The following MRPL38 variants were observed in gnomAD, a reference collection of about 807,000 sequenced individuals.
MRPL38 encodes large ribosomal subunit protein mL38.
In MRPL38, 51 loss-of-function variants were observed where a neutral mutation model predicts 52.1. That is an observed-to-expected ratio of 0.98 (90% CI 0.78 to 1.24). The LOEUF is 1.24. Ranked by LOEUF, MRPL38 falls within the 50% of genes most tolerant of loss-of-function variation. The pLI, the probability that MRPL38 is intolerant of heterozygous loss-of-function variation, is 0.00. For synonymous variants in MRPL38, 245 were observed against 212.7 expected, an observed-to-expected ratio of 1.15 and a Z score of -1.32; for missense variants, 527 against 518.6, an observed-to-expected ratio of 1.02 and a Z score of -0.16.
In MRPL38 at chr17:75,898,806, C is replaced by T. The variant is rs1012446480; in HGVS notation, c.*44G>A. 1 of 1,607,578 alleles carries T rather than the reference C, an allele frequency of 6.2e-7. No individual in the cohort carries two copies. Among genetic ancestry groups the T allele is most frequent in the African/African-American group, 1.3e-5 (1 of 74,844 alleles). ...CTCTGGAGCTGTGTCTTTACTCTTG[C>T]TGCCGATCAATCCCATGCTCTGAAA... On this transcript the variant is annotated 3_prime_UTR_variant, in exon 9 of 9. Coordinates refer to ENST00000309352, the MANE Select transcript of MRPL38 (RefSeq NM_032478.4).
intron 2 of MRPL38, 71 bp downstream of exon 2, chr17:75,904,469 C>G: frequency 6.9e-7 from 1 of 1,444,652 alleles, no homozygotes; most frequent in South Asian, 1.4e-5. Context: ...CGCCCAGCGC[C>G]CGGGGAAAAC....
At position 75,903,560 on chromosome 17, in the gene MRPL38, C is replaced by T. The variant is rs1320158124; in HGVS notation, c.247+980G>A. Among the ~76,000 whole-genome samples the T allele has an allele frequency of 2.0e-5, 3 of 152,110 alleles. No individual in the cohort carries two copies. The East Asian group carries it at 5.8e-4, about 29-fold the overall frequency. ...TTTTATTTTACAGTTGAAACAAGCT[C>T]AAGGACATTATCCGAGAGGCTGAGC... On this transcript the variant is annotated intron_variant, in intron 2 of 8. Coordinates refer to ENST00000309352, the MANE Select transcript of MRPL38 (RefSeq NM_032478.4).
chr17:75,904,375 G>T, intron 2 of MRPL38, 165 bp downstream of exon 2: 1 of 782,546 alleles, frequency 1.3e-6, no homozygotes, highest in Non-Finnish European at 2.2e-6. Flanking sequence ...AAATCCTGGG[G>T]TGATTAAGCT....
intron 2 of MRPL38, among the ~76,000 whole-genome samples, chr17:75,903,920 G>A (rs2065416532): frequency 6.6e-6 from 1 of 152,084 alleles, no homozygotes; most frequent in Admixed American, 6.6e-5. Flanking sequence ...CAGACACGGG[G>A]TTTCTCCATG....
At chr17:75,902,287 A>G in intron 2 of MRPL38, 133 bp from the exon 3 acceptor site, 1 of 1,075,240 alleles carries the variant, frequency 9.3e-7, no homozygotes, top group Non-Finnish European at 1.3e-6. Context: ...TATTTTTTGT[A>G]GAGACAGGGT....
chr17:75,902,391 C>G (rs1250045376), intron 2 of MRPL38: 3 of 529,640 alleles, frequency 5.7e-6, no homozygotes, highest in Non-Finnish European at 1.0e-5. Flanking sequence ...TAGTGTGAGC[C>G]ACTGCGCCCA....
intron 6 of MRPL38, 29 bp downstream of exon 6, chr17:75,900,953 C>A: frequency 6.6e-7 from 1 of 1,515,422 alleles, no homozygotes; most frequent in Non-Finnish European, 8.8e-7. Context: ...CTGGGCAGCA[C>A]CCCCTACCCC....
intron 7 of MRPL38, 29 bp from the exon 8 acceptor site, chr17:75,899,323 T>C (rs766040084): frequency 2.3e-5 from 37 of 1,606,120 alleles, no homozygotes; most frequent in East Asian, 1.6e-4. Context: ...CGTATGAGAG[T>C]GTGGAGTGGG....
chr17:75,904,768 C>CGGGGGGGGG, intron 1 of MRPL38, 41 bp downstream of exon 1: 2 of 1,056,374 alleles, frequency 1.9e-6, no homozygotes, highest in Non-Finnish European at 2.5e-6. Flanking sequence ...GCTCGGGCGA[C>CGGGGGGGGG]AGCCCCCCCC....
Position 75,901,834 on chromosome 17 carries a change from G to C in MRPL38, c.469C>G (p.Leu157Val). ...HKQRLAEYYGLYRDLFHGATF... is the reference protein window; with the variant it reads ...HKQRLAEYYGVYRDLFHGATF... ...GCACCGTGGAACAGGTCTCGGTAGAGGCCGTAATACTCAGCCAGACGCTGC... is the reference window on the plus strand; with the variant it reads ...GCACCGTGGAACAGGTCTCGGTAGACGCCGTAATACTCAGCCAGACGCTGC... Residue 157 changes from leucine (L) to valine (V), a missense_variant, in exon 4 of 9, where the codon CTC becomes GTC. Coordinates refer to ENST00000309352, the MANE Select transcript of MRPL38 (RefSeq NM_032478.4). The surrounding 1 kb of genome is among the most constrained non-coding windows in gnomAD (Gnocchi z 5.7). 1 of 1,613,486 alleles carries C rather than the reference G, an allele frequency of 6.2e-7. No homozygotes were observed. The highest frequency in any genetic ancestry group is 1.1e-5 in the South Asian group (1 of 91,072).
rs1054622665 is a variant in MRPL38, at chr17:75,904,390, A to G, written c.247+150T>C. 3 of 855,540 alleles carry G rather than the reference A, an allele frequency of 3.5e-6. No individual in the cohort carries two copies. The African/African-American group carries it at 5.0e-5, about 14-fold the overall frequency. 53.0% of individuals were successfully genotyped at this position (855,540 alleles called of 1,614,324 possible). On this transcript the variant is annotated intron_variant, in intron 2 of 8. Coordinates refer to ENST00000309352, the MANE Select transcript of MRPL38 (RefSeq NM_032478.4). ...AAATCCTGGGGTGATTAAGCTGCCG[A>G]TAGCGCACACAGGTCTGCAGGCAGG... is the stretch of plus-strand genomic sequence containing the variant.
Position 75,898,934 on chromosome 17 carries a change from C to T in MRPL38, c.1059G>A (p.Lys353=), listed in dbSNP as rs144293363. The T allele has an allele frequency of 2.0e-5, 32 of 1,609,286 alleles. No individual in the cohort carries two copies. Among genetic ancestry groups the T allele is most frequent in the African/African-American group, 2.7e-5 (2 of 74,842 alleles). ...EFVRPPPYHP[K]QKRFPHRQPL... is the part of the protein sequence containing the mutation. ...GCTGCCGGTGGGGGAAGCGCTTCTG[C>T]TTGGGGTGGTAAGGGGGCGGCCGCA... Residue 353 remains lysine (K), a synonymous_variant, in exon 9 of 9, where the codon AAG becomes AAA. Coordinates refer to ENST00000309352, the MANE Select transcript of MRPL38 (RefSeq NM_032478.4).
intron 1 of MRPL38, 37 bp downstream of exon 1, chr17:75,904,769 AGCC>A: frequency 1.5e-5 from 7 of 454,454 alleles, no homozygotes; most frequent in South Asian, 2.1e-5. Context: ...CTCGGGCGAC[AGCC>A]CCCCCCCCCC....
chr17:75,902,197 C>T lies in MRPL38; in HGVS notation c.248-43G>A, dbSNP rs529140575. ...GTGGGAAAAACAGGGTCATGACTCA[C>T]TGCAGCCTTAACCTCCCCAACTCAG... On this transcript the variant is annotated intron_variant, in intron 2 of 8. Transcript: ENST00000309352. 8 of 1,543,476 alleles carry T rather than the reference C, an allele frequency of 5.2e-6. No homozygotes were observed. In the Admixed American group the frequency reaches 9.9e-5, roughly 19 times the overall value.
intron 2 of MRPL38, 165 bp downstream of exon 2, chr17:75,904,375 G>GT: frequency 1.3e-6 from 1 of 782,546 alleles, no homozygotes; most frequent in East Asian, 2.7e-5. Context: ...AAATCCTGGG[G>GT]TGATTAAGCT....
intron 1 of MRPL38, 41 bp downstream of exon 1, chr17:75,904,768 C>CGGGGGGGGGGGGGGGGGG: frequency 9.5e-7 from 1 of 1,056,388 alleles, no homozygotes; most frequent in Non-Finnish European, 1.2e-6. Context: ...GCTCGGGCGA[C>CGGGGGGGGGGGGGGGGGG]AGCCCCCCCC....
At chr17:75,903,873 C>T (rs997894065) in intron 2 of MRPL38, among the ~76,000 whole-genome samples, 12 of 152,100 alleles carry the variant, frequency 7.9e-5, no homozygotes, top group African/African-American at 2.9e-4. Flanking sequence ...GGATTACAGG[C>T]ATGCGACACC....
chr17:75,899,700 T>G (rs2065395541), intron 6 of MRPL38, 26 bp from the exon 7 acceptor site: 3 of 1,535,268 alleles, frequency 2.0e-6, no homozygotes, highest in Non-Finnish European at 2.6e-6. Context: ...TCCCGGTTAA[T>G]TACCACTCCA....
In MRPL38 at chr17:75,899,585, C is replaced by T. The variant is rs760117849; in HGVS notation, c.800G>A (p.Arg267His). ...PFPARGSGIH[R>H]LAFLLFKQDQ... ...CTGCTTGAAGAGCAGGAAGGCAAGACGGTGGATGCCGGAGCCTCGGGCAGG... is the reference window on the plus strand; with the variant it reads ...CTGCTTGAAGAGCAGGAAGGCAAGATGGTGGATGCCGGAGCCTCGGGCAGG... Residue 267 changes from arginine to histidine, a missense_variant, in exon 7 of 9, where the codon CGT becomes CAT. By Grantham distance (29) the Arg-to-His change is conservative. Transcript: ENST00000309352. 38 of 1,607,248 alleles carry T rather than the reference C, an allele frequency of 2.4e-5. No individual in the cohort carries two copies. Among genetic ancestry groups the T allele is most frequent in the South Asian group, 3.3e-5 (3 of 90,294 alleles).
Sources: allele counts gnomAD v4.1 joint callset (sites outside exome capture counted in the v4.1 genomes callset), GRCh38; gene constraint gnomAD v4.1.1; non-coding constraint Gnocchi (gnomAD v3.1); transcripts MANE v1.5; gene names NCBI Gene and HGNC (gene_info 2026-07-23, HGNC 2026-07-21).